SETX: variants seen among roughly 807,000 people sequenced by gnomAD.
SETX encodes senataxin.
A neutral mutation model predicts 227.2 loss-of-function variants in SETX; 90 were observed. The ratio of observed to expected loss-of-function variants is 0.40; its 90% CI spans 0.33 to 0.47. The LOEUF (loss-of-function observed/expected upper bound fraction) is 0.47, where lower values mean the gene tolerates loss of function less well. Ranked by LOEUF, SETX falls within the 20% of genes least tolerant of loss-of-function variation. SETX has a pLI of 0.91. For missense variants in SETX, 3,052 were observed against 3,181.5 expected, an observed-to-expected ratio of 0.96 and a Z score of 0.98; for synonymous variants, 1,210 against 1,113.2, an observed-to-expected ratio of 1.09 and a Z score of -1.73.
intron 25 of SETX, among the ~76,000 whole-genome samples, chr9:132,265,286 C>T (rs1183587524): frequency 1.5e-5 from 2 of 133,472 alleles, no homozygotes; most frequent in African/African-American, 5.9e-5. Flanking sequence ...AGTGCAGTGG[C>T]GCGATCTTGG....
rs549770327 is a variant in SETX, at chr9:132,354,348, T to C, written c.-115+569A>G. ...CTCTGCAACACATTTTGTTTTTAAT[T>C]AGCCGGGCGTGGTGACGCGCGCCTA... is the stretch of plus-strand genomic sequence containing the variant. On this transcript the variant is annotated intron_variant, in intron 1 of 25. Transcript: ENST00000224140. Among the ~76,000 whole-genome samples the C allele has an allele frequency of 8.4e-4, 127 of 151,776 alleles. 1 individual carries two copies. Among genetic ancestry groups the C allele is most frequent in the African/African-American group, 3.1e-3 (127 of 41,400 alleles).
intron 22 of SETX, 116 bp downstream of exon 22, chr9:132,276,944 G>T: frequency 1.2e-6 from 1 of 867,294 alleles, no homozygotes; most frequent in Non-Finnish European, 1.9e-6. Flanking sequence ...GAACATGACT[G>T]TGCCCTGACA....
At chr9:132,342,263 T>C (rs1848022412) in intron 5 of SETX, among the ~76,000 whole-genome samples, 1 of 152,206 alleles carries the variant, frequency 6.6e-6, no homozygotes, top group African/African-American at 2.4e-5. Flanking sequence ...ATTTTGTCCT[T>C]CTTCATCTCT....
At chr9:132,306,300 C>T (rs1246920005) in intron 11 of SETX, among the ~76,000 whole-genome samples, 1 of 152,178 alleles carries the variant, frequency 6.6e-6, no homozygotes, top group Non-Finnish European at 1.5e-5. Flanking sequence ...GCAACCTCTG[C>T]CTCTTGCGTT....
chr9:132,304,690 C>T (rs1171648739), intron 11 of SETX, among the ~76,000 whole-genome samples: 3 of 151,064 alleles, frequency 2.0e-5, no homozygotes, highest in South Asian at 4.2e-4. Context: ...AAAACCACAA[C>T]CGGGAAGGAA....
chr9:132,323,268 G>A (rs548958610), intron 10 of SETX, among the ~76,000 whole-genome samples: 1 of 152,192 alleles, frequency 6.6e-6, no homozygotes, highest in East Asian at 1.9e-4. Context: ...GATCATGAGC[G>A]ATTTAAACAT....
chr9:132,339,962 G>T (rs1475745164), intron 5 of SETX, among the ~76,000 whole-genome samples: 2 of 151,948 alleles, frequency 1.3e-5, no homozygotes, highest in Non-Finnish European at 2.9e-5. Context: ...CTCTTTCTGG[G>T]ACGTCTTACA....
intron 11 of SETX, among the ~76,000 whole-genome samples, chr9:132,304,624 C>A (rs1226299340): frequency 1.4e-5 from 2 of 146,344 alleles, no homozygotes; most frequent in Admixed American, 1.4e-4. Flanking sequence ...CAGAACAAGA[C>A]CCTGTTTCAA....
chr9:132,297,831 T>C (rs1012234970), intron 13 of SETX, among the ~76,000 whole-genome samples: 4 of 152,230 alleles, frequency 2.6e-5, no homozygotes, highest in African/African-American at 4.8e-5. Context: ...GCACATTAAG[T>C]AGGCTGCTGA....
Position 132,327,295 on chromosome 9 carries a change from C to T in SETX, c.4303G>A (p.Asp1435Asn). 6.2e-7 allele frequency: 1 copy of T among 1,614,218 alleles called. No individual in the cohort carries two copies. Among genetic ancestry groups the T allele is most frequent in the African/African-American group, 1.3e-5 (1 of 75,058 alleles). The change falls in exon 10 of 26, where the codon GAT (aspartate) becomes AAT (asparagine). Residue 1435 changes from aspartate (D) to asparagine (N), a missense_variant. By Grantham distance (23) the Asp-to-Asn change is conservative. Transcript: ENST00000224140. ...TCACACTGGTTCAAAGGGCAAGCATCATCAGTTGCTGGAGACCCATGTTTT... is the reference window on the plus strand; with the variant it reads ...TCACACTGGTTCAAAGGGCAAGCATTATCAGTTGCTGGAGACCCATGTTTT... ...KAKHGSPATD[D>N]ACPLNQCDSV... is the part of the protein sequence containing the mutation.
chr9:132,297,196 C>G (rs1053846934), intron 13 of SETX, 142 bp from the exon 14 acceptor site: 1 of 682,300 alleles, frequency 1.5e-6, no homozygotes, highest in Non-Finnish European at 2.5e-6. Flanking sequence ...ACAAGGACAC[C>G]AAAGTGACCT....
At chr9:132,274,785 G>C (rs1352856842) in intron 23 of SETX, 1 of 163,482 alleles carries the variant, frequency 6.1e-6, no homozygotes, top group African/African-American at 2.4e-5. Context: ...ATTCGATTTT[G>C]GTAGTCTGTG....
At chr9:132,314,914 T>G (rs967013646) in intron 10 of SETX, among the ~76,000 whole-genome samples, 12 of 139,928 alleles carry the variant, frequency 8.6e-5, no homozygotes, top group South Asian at 4.7e-4. Flanking sequence ...GTGTTTTTTT[T>G]TTTTTTTTTT....
chr9:132,306,948 T>G (rs1845370361), intron 11 of SETX, among the ~76,000 whole-genome samples: 1 of 152,206 alleles, frequency 6.6e-6, no homozygotes, highest in African/African-American at 2.4e-5. Context: ...AAATACTCCC[T>G]TTTTATCTCA....
intron 3 of SETX, among the ~76,000 whole-genome samples, chr9:132,348,382 A>AC (rs1187876274): frequency 6.7e-6 from 1 of 150,066 alleles, no homozygotes; most frequent in African/African-American, 2.5e-5. Context: ...ACAAAACAAA[A>AC]AAAAAACAAC....
rs1465775480 is a variant in SETX at position 132,326,717 on chromosome 9, C to T, written c.4881G>A (p.Lys1627=). The T allele has an allele frequency of 6.2e-7, 1 of 1,614,048 alleles. No homozygotes were observed. Among genetic ancestry groups the T allele is most frequent in the African/African-American group, 1.3e-5 (1 of 74,920 alleles). Residue 1627 remains lysine, a synonymous_variant, in exon 10 of 26, where the codon AAG becomes AAA. Coordinates refer to ENST00000224140, the MANE Select transcript of SETX (RefSeq NM_015046.7). ...SSALSPSLKN[K]SKGIQSILKV... is the part of the protein sequence containing the mutation. ...TCAAAATCGACTGTATCCCCTTTGA[C>T]TTATTTTTTAGAGACGGTGAAAGTG...
intron 1 of SETX, among the ~76,000 whole-genome samples, chr9:132,354,132 T>A (rs1024009926): frequency 3.9e-5 from 6 of 152,192 alleles, no homozygotes; most frequent in Non-Finnish European, 8.8e-5. Flanking sequence ...TCGTGCAAAT[T>A]GCTGGGCACA....
Position 132,354,972 on chromosome 9 carries a change from G to A in SETX, c.-170C>T, listed in dbSNP as rs1848833325. Reference sequence around the variant, plus strand: ...ACCTCCATACCGGGCCCCGCTCTAGGCCACCAGCGGAAGTGCGGGCCCGCA... The same window carrying A: ...ACCTCCATACCGGGCCCCGCTCTAGACCACCAGCGGAAGTGCGGGCCCGCA... On this transcript the variant is annotated 5_prime_UTR_variant, in exon 1 of 26. Coordinates refer to ENST00000224140, the MANE Select transcript of SETX (RefSeq NM_015046.7). 6.6e-6 allele frequency: 1 copy of A among 152,238 alleles called. No individual in the cohort carries two copies. The highest frequency in any genetic ancestry group is 1.5e-5 in the Non-Finnish European group (1 of 68,096). 9.4% of individuals were successfully genotyped at this position (152,238 alleles called of 1,614,324 possible).
upstream of SETX, among the ~76,000 whole-genome samples, chr9:132,356,614 T>C (rs773556575): frequency 6.6e-6 from 1 of 151,982 alleles, no homozygotes; most frequent in Non-Finnish European, 1.5e-5. Flanking sequence ...ACTCAGGCGA[T>C]AAAAAAAGAG....
Sources: allele counts gnomAD v4.1 joint callset (sites outside exome capture counted in the v4.1 genomes callset), GRCh38; gene constraint gnomAD v4.1.1; transcripts MANE v1.5; gene names NCBI Gene and HGNC (gene_info 2026-07-23, HGNC 2026-07-21).